Variants in CPEB3 observed in about 807,000 individuals in gnomAD.
CPEB3 encodes cytoplasmic polyadenylation element-binding protein 3.
CPEB3 carries 20 observed loss-of-function variants against 67.2 expected under a neutral mutation model. The ratio of observed to expected loss-of-function variants is 0.30; its 90% CI spans 0.21 to 0.43. The LOEUF is 0.43. CPEB3 is among the 20% of genes least tolerant of loss of function. The pLI is 1.00. For synonymous variants in CPEB3, 376 were observed against 393.1 expected (o/e 0.96, Z 0.51); for missense variants, 746 against 968.6 (o/e 0.77, Z 3.05).
At chr10:92,225,160 A>G (rs986169757) in intron 2 of CPEB3, among the ~76,000 whole-genome samples, 18 of 151,872 alleles carry the variant, frequency 1.2e-4, no homozygotes, top group Admixed American at 7.2e-4. Flanking sequence ...TTTTTAGTAG[A>G]GATGGGGTTG....
At chr10:92,158,469 A>C (rs1207163952) in intron 4 of CPEB3, among the ~76,000 whole-genome samples, 1 of 152,142 alleles carries the variant, frequency 6.6e-6, no homozygotes, top group Non-Finnish European at 1.5e-5. Context: ...TAAAAACTGT[A>C]CCATGCGGTG....
In CPEB3 at chr10:92,145,094, G is replaced by A. The variant is rs1846614950; in HGVS notation, c.1223-9C>T. 6.2e-7 allele frequency: 1 copy of A among 1,613,664 alleles called. No homozygotes were observed. Among genetic ancestry groups the A allele is most frequent in the East Asian group, 2.2e-5 (1 of 44,872 alleles). Reference sequence around the variant, plus strand: ...ATCATCCAGGAAGGCATCTTCAAAGGGAAAGAGAGAAGATCGACCTGAAAC... The same window carrying A: ...ATCATCCAGGAAGGCATCTTCAAAGAGAAAGAGAGAAGATCGACCTGAAAC... On this transcript the variant is annotated splice_polypyrimidine_tract_variant and intron_variant, in intron 4 of 9. Coordinates refer to ENST00000265997, the MANE Select transcript of CPEB3 (RefSeq NM_014912.5).
chr10:92,066,747 T>C (rs1013189613), intron 9 of CPEB3, among the ~76,000 whole-genome samples: 5 of 152,118 alleles, frequency 3.3e-5, no homozygotes, highest in African/African-American at 4.8e-5. Flanking sequence ...ACAAAGAATG[T>C]CTAAACATAA....
intron 1 of CPEB3, among the ~76,000 whole-genome samples, chr10:92,282,063 T>C (rs533264227): frequency 2.2e-4 from 33 of 152,298 alleles, no homozygotes; most frequent in African/African-American, 7.5e-4. Flanking sequence ...TCTTTACATA[T>C]ACATTTTCTT....
intron 4 of CPEB3, among the ~76,000 whole-genome samples, chr10:92,175,721 C>G (rs898773552): frequency 9.2e-5 from 14 of 152,274 alleles, no homozygotes; most frequent in African/African-American, 3.4e-4. Context: ...CAAATGGAAC[C>G]ACATCTCAAT....
At chr10:92,119,013 T>C (rs1845189451) in intron 6 of CPEB3, 1 of 1,547,246 alleles carries the variant, frequency 6.5e-7, no homozygotes, top group Non-Finnish European at 8.9e-7. Flanking sequence ...AAGTTTGCAC[T>C]CGTCTTCCCT....
At chr10:92,165,109 A>C (rs1847674283) in intron 4 of CPEB3, among the ~76,000 whole-genome samples, 1 of 152,114 alleles carries the variant, frequency 6.6e-6, no homozygotes, top group East Asian at 1.9e-4. Context: ...AGTGCACAGT[A>C]GCATTATGTC....
intron 4 of CPEB3, among the ~76,000 whole-genome samples, chr10:92,169,274 G>C (rs1307370338): frequency 2.6e-5 from 4 of 151,886 alleles, no homozygotes; most frequent in Non-Finnish European, 4.4e-5. Context: ...AAGTAGCTGG[G>C]ATTACAGATG....
intron 9 of CPEB3, among the ~76,000 whole-genome samples, chr10:92,068,651 T>A (rs774205347): frequency 2.0e-5 from 3 of 152,070 alleles, no homozygotes; most frequent in Non-Finnish European, 4.4e-5. Flanking sequence ...AATATTTAAA[T>A]CACTGTAAAG....
At chr10:92,207,848 C>T (rs2134307617) in intron 2 of CPEB3, among the ~76,000 whole-genome samples, 1 of 152,234 alleles carries the variant, frequency 6.6e-6, no homozygotes, top group Middle Eastern at 3.4e-3. Context: ...CCAGCCTGAG[C>T]GATAGAGCGA....
chr10:92,059,561 A>C (rs574148163), intron 9 of CPEB3, among the ~76,000 whole-genome samples: 1 of 152,222 alleles, frequency 6.6e-6, no homozygotes, highest in Non-Finnish European at 1.5e-5. Flanking sequence ...TCTAATGATG[A>C]AACAACTAGA....
intron 1 of CPEB3, among the ~76,000 whole-genome samples, chr10:92,276,277 C>CTT (rs769749643): frequency 1.3e-4 from 14 of 108,254 alleles, no homozygotes; most frequent in Non-Finnish European, 1.9e-4. Flanking sequence ...TTTTTCTTTT[C>CTT]TTTTTTTTTT....
At chr10:92,244,718 T>C (rs1453556189) in intron 1 of CPEB3, among the ~76,000 whole-genome samples, 2 of 152,150 alleles carry the variant, frequency 1.3e-5, no homozygotes, top group African/African-American at 4.8e-5. Flanking sequence ...ATTACAGGCA[T>C]GAGCCACCGC....
At chr10:92,276,207 C>T (rs1464681885) in intron 1 of CPEB3, among the ~76,000 whole-genome samples, 1 of 151,444 alleles carries the variant, frequency 6.6e-6, no homozygotes, top group East Asian at 1.9e-4. Context: ...TTTATCCATT[C>T]ATCAGTTGAT....
At chr10:92,118,881 C>T in intron 6 of CPEB3, 2 of 846,988 alleles carry the variant, frequency 2.4e-6, no homozygotes, top group Non-Finnish European at 4.2e-6. Flanking sequence ...GACACTGGTA[C>T]TGCTTTGAGG....
At chr10:92,284,412 T>C (rs1842441582) in intron 1 of CPEB3, among the ~76,000 whole-genome samples, 1 of 152,130 alleles carries the variant, frequency 6.6e-6, no homozygotes, top group South Asian at 2.1e-4. Flanking sequence ...GCAAAATTCC[T>C]TAAACTGGCC....
intron 2 of CPEB3, among the ~76,000 whole-genome samples, chr10:92,205,853 G>A (rs1849763652): frequency 1.3e-5 from 2 of 151,990 alleles, no homozygotes; most frequent in Admixed American, 1.3e-4. Context: ...AAGCATTCCA[G>A]GGAGAAAAGA....
chr10:92,121,366 A>G (rs1284859540), intron 6 of CPEB3, among the ~76,000 whole-genome samples: 2 of 146,076 alleles, frequency 1.4e-5, no homozygotes, highest in Admixed American at 6.9e-5. Flanking sequence ...TATATAAAAT[A>G]TATTTTATAT....
intron 4 of CPEB3, among the ~76,000 whole-genome samples, chr10:92,170,956 A>G (rs1174305937): frequency 6.6e-6 from 1 of 152,188 alleles, no homozygotes; most frequent in East Asian, 1.9e-4. Flanking sequence ...GACAGCCAAT[A>G]CTTGCTAGTT....
Sources: gnomAD v4.1 joint callset for allele counts (sites outside exome capture counted in the v4.1 genomes callset) on GRCh38, gnomAD v4.1.1 for gene constraint, MANE v1.5 for transcripts, NCBI Gene and HGNC (gene_info 2026-07-23, HGNC 2026-07-21) for gene names.